The following ENOX1 variants were observed in gnomAD, a reference collection of about 807,000 sequenced individuals.
The protein encoded by ENOX1 is candidate growth-related and time keeping constitutive hydroquinone (NADH) oxidase.
A neutral mutation model predicts 82.5 loss-of-function variants in ENOX1; 42 were observed. The ratio of observed to expected loss-of-function variants is 0.51; its 90% CI spans 0.40 to 0.66. The LOEUF (loss-of-function observed/expected upper bound fraction) is 0.66. Ranked by LOEUF, ENOX1 falls within the 30% of genes least tolerant of loss-of-function variation. The pLI is 0.00. For synonymous variants in ENOX1, 271 were observed against 282.2 expected (o/e 0.96, Z 0.40); for missense variants, 608 against 811.6 (o/e 0.75, Z 3.05).
rs149427296 is a variant in ENOX1 at position 43,360,011 on chromosome 13, G to A, written c.429C>T (p.Thr143=). The change falls in exon 7 of 17, where the codon ACC becomes ACT. Residue 143 remains threonine, a synonymous_variant. Transcript: ENST00000690772. ...TTTCTGGTAATCCTCCGACAAACACGGTCTTACACCCAGGAGGTCGTTCTC... is the reference window on the plus strand; with the variant it reads ...TTTCTGGTAATCCTCCGACAAACACAGTCTTACACCCAGGAGGTCGTTCTC... The part of the protein sequence containing the change: ...STRERPPGCK[T]VFVGGLPENA... The A allele has an allele frequency of 5.4e-4, 870 of 1,614,138 alleles. 7 individuals carry two copies. In the African/African-American group the frequency reaches 0.01, roughly 19 times the overall value.
chr13:43,255,637 A>G (rs556506292), intron 14 of ENOX1, among the ~76,000 whole-genome samples: 1 of 152,282 alleles, frequency 6.6e-6, no homozygotes. Context: ...CCAACAGCAA[A>G]CAATCTGAAA....
In ENOX1 at chr13:43,607,408, C is replaced by T. The variant is rs189268817; in HGVS notation, c.-219+60071G>A. 5.8e-4 allele frequency among the ~76,000 whole-genome samples: 88 copies of T among 152,014 alleles called. 1 individual carries two copies. The highest frequency in any genetic ancestry group is 5.4e-3 in the Admixed American group (82 of 15,266). ...ATACCCTAAGTAATTTATTTGTAACCGCATAGTTTGTTGGTAAAAAGTTCC... is the reference window on the plus strand; with the variant it reads ...ATACCCTAAGTAATTTATTTGTAACTGCATAGTTTGTTGGTAAAAAGTTCC... On this transcript the variant is annotated intron_variant, in intron 2 of 16. Transcript: ENST00000690772.
At chr13:43,650,254 A>G (rs567677005) in intron 2 of ENOX1, among the ~76,000 whole-genome samples, 9 of 152,326 alleles carry the variant, frequency 5.9e-5, no homozygotes, top group Admixed American at 1.3e-4. Flanking sequence ...AGGGCCAGAT[A>G]GTAAATATTT....
At chr13:43,383,964 G>A (rs1191621169) in intron 5 of ENOX1, among the ~76,000 whole-genome samples, 1 of 152,194 alleles carries the variant, frequency 6.6e-6, no homozygotes, top group African/African-American at 2.4e-5. Context: ...CCACTACAGG[G>A]AGGCAGCAGG....
intron 2 of ENOX1, among the ~76,000 whole-genome samples, chr13:43,605,084 T>TA (rs1198540509): frequency 1.3e-5 from 2 of 151,936 alleles, no homozygotes; most frequent in Non-Finnish European, 2.9e-5. Context: ...TACAATGAAA[T>TA]AAAATACATA....
intron 2 of ENOX1, among the ~76,000 whole-genome samples, chr13:43,619,508 T>C (rs1368724525): frequency 6.6e-6 from 1 of 151,986 alleles, no homozygotes; most frequent in Admixed American, 6.6e-5. Context: ...ATTTAAATGA[T>C]CATGTAATTT....
intron 1 of ENOX1, among the ~76,000 whole-genome samples, chr13:43,705,346 T>A (rs867202266): frequency 4.4e-5 from 1 of 22,534 alleles, no homozygotes; most frequent in African/African-American, 1.6e-4. Context: ...ATATATATAT[T>A]TGTAATATAT....
intron 3 of ENOX1, among the ~76,000 whole-genome samples, chr13:43,457,736 A>G (rs186291524): frequency 6.6e-6 from 1 of 152,282 alleles, no homozygotes; most frequent in Admixed American, 6.5e-5. Flanking sequence ...ACTGAATGTT[A>G]ATGGTCAAAC....
chr13:43,721,960 C>T (rs894552622), intron 1 of ENOX1, among the ~76,000 whole-genome samples: 1 of 152,180 alleles, frequency 6.6e-6, no homozygotes, highest in African/African-American at 2.4e-5. Context: ...TAACCCTGCT[C>T]TCGACTCTGT....
chr13:43,650,782 G>A (rs1327786586), intron 2 of ENOX1, among the ~76,000 whole-genome samples: 1 of 152,158 alleles, frequency 6.6e-6, no homozygotes, highest in Non-Finnish European at 1.5e-5. Flanking sequence ...AGGTTGCAGT[G>A]AGCTGAGATC....
chr13:43,735,917 A>C (rs2089606360), intron 1 of ENOX1, among the ~76,000 whole-genome samples: 2 of 152,248 alleles, frequency 1.3e-5, no homozygotes, highest in South Asian at 4.1e-4. Flanking sequence ...CAATGACAGG[A>C]AGAATCCTTG....
At chr13:43,541,452 G>C (rs2078723704) in intron 2 of ENOX1, among the ~76,000 whole-genome samples, 1 of 152,054 alleles carries the variant, frequency 6.6e-6, no homozygotes, top group African/African-American at 2.4e-5. Context: ...AGTGAGCTAT[G>C]ACTGCACCAC....
At chr13:43,243,249 C>T (rs1477064303) in intron 14 of ENOX1, among the ~76,000 whole-genome samples, 1 of 151,992 alleles carries the variant, frequency 6.6e-6, no homozygotes, top group Non-Finnish European at 1.5e-5. Flanking sequence ...AAACTGCATC[C>T]TCTTCTAACT....
intron 2 of ENOX1, among the ~76,000 whole-genome samples, chr13:43,489,858 C>T (rs754472941): frequency 2.0e-5 from 3 of 152,192 alleles, no homozygotes; most frequent in Non-Finnish European, 2.9e-5. Context: ...TTTAGACTTA[C>T]TTGGGACCTG....
chr13:43,601,697 A>G (rs986461074), intron 2 of ENOX1, among the ~76,000 whole-genome samples: 1 of 152,194 alleles, frequency 6.6e-6, no homozygotes, highest in African/African-American at 2.4e-5. Context: ...TTCAAGTACA[A>G]GAAGGTTACA....
At chr13:43,679,340 C>G (rs541937875) in intron 1 of ENOX1, among the ~76,000 whole-genome samples, 1 of 152,144 alleles carries the variant, frequency 6.6e-6, no homozygotes, top group Non-Finnish European at 1.5e-5. Context: ...TCCCTGTCAT[C>G]TTTGAGGGTT....
chr13:43,367,245 C>T (rs2050909321), intron 5 of ENOX1, among the ~76,000 whole-genome samples: 2 of 152,212 alleles, frequency 1.3e-5, no homozygotes, highest in South Asian at 2.1e-4. Flanking sequence ...CTAAACCCGT[C>T]TGGCATAGGG....
intron 1 of ENOX1, among the ~76,000 whole-genome samples, chr13:43,707,764 C>T (rs1320332190): frequency 9.9e-6 from 1 of 100,572 alleles, no homozygotes; most frequent in African/African-American, 3.8e-5. Context: ...AAACCAAGAA[C>T]AAAGTAGAAA....
intron 2 of ENOX1, among the ~76,000 whole-genome samples, chr13:43,627,144 G>A (rs1332504534): frequency 6.6e-6 from 1 of 151,730 alleles, no homozygotes; most frequent in Admixed American, 6.6e-5. Flanking sequence ...TATCTTTTCT[G>A]CCCTTTTATT....
Sources: gnomAD v4.1 joint callset for allele counts (sites outside exome capture counted in the v4.1 genomes callset) on GRCh38, gnomAD v4.1.1 for gene constraint, MANE v1.5 for transcripts, NCBI Gene and HGNC (gene_info 2026-07-23, HGNC 2026-07-21) for gene names.